VEPH1: variants seen among roughly 807,000 people sequenced by gnomAD.
The protein encoded by VEPH1 is ventricular zone expressed PH domain containing 1.
In VEPH1, 80 loss-of-function variants were observed where a neutral mutation model predicts 85.2. The observed-to-expected ratio is 0.94, with a 90% CI of 0.78 to 1.13. VEPH1 has a LOEUF of 1.13. Among genes scored for constraint, VEPH1 ranks in the 50% most tolerant of loss-of-function variants. The pLI, the probability that VEPH1 is intolerant of heterozygous loss-of-function variation, is 0.00. For synonymous variants in VEPH1, 297 were observed against 348.0 expected (o/e 0.85, Z 1.63); for missense variants, 955 against 980.5 (o/e 0.97, Z 0.35).
chr3:157,456,339 G>C (rs893895252), intron 4 of VEPH1, among the ~76,000 whole-genome samples: 13 of 151,988 alleles, frequency 8.6e-5, no homozygotes, highest in Admixed American at 3.9e-4. Context: ...TTCTTTTGCT[G>C]TGCAGAAGCT....
chr3:157,389,643 AT>A (rs1729652025), intron 6 of VEPH1, among the ~76,000 whole-genome samples: 1 of 132,714 alleles, frequency 7.5e-6, no homozygotes, highest in African/African-American at 3.1e-5. Flanking sequence ...AGATAGATAG[AT>A]AGATAGATAG....
intron 7 of VEPH1, among the ~76,000 whole-genome samples, chr3:157,371,797 A>C (rs1727519504): frequency 6.6e-6 from 1 of 152,186 alleles, no homozygotes; most frequent in Non-Finnish European, 1.5e-5. Flanking sequence ...TTGGGGATAC[A>C]TTCCGAGGTA....
At chr3:157,440,363 A>G (rs906677735) in intron 4 of VEPH1, among the ~76,000 whole-genome samples, 3 of 152,120 alleles carry the variant, frequency 2.0e-5, no homozygotes, top group Non-Finnish European at 4.4e-5. Context: ...TATTTGTTTA[A>G]TGTTTTCAGG....
At chr3:157,343,033 C>T (rs1411665406) in intron 9 of VEPH1, among the ~76,000 whole-genome samples, 1 of 152,052 alleles carries the variant, frequency 6.6e-6, no homozygotes, top group Non-Finnish European at 1.5e-5. Context: ...AAGCAGTGTG[C>T]AGAGGGAAAT....
At chr3:157,331,449 C>A (rs577683225) in intron 9 of VEPH1, among the ~76,000 whole-genome samples, 1 of 152,226 alleles carries the variant, frequency 6.6e-6, no homozygotes, top group Non-Finnish European at 1.5e-5. Flanking sequence ...CCCATGCATG[C>A]CTTGTGGCCA....
intron 2 of VEPH1, among the ~76,000 whole-genome samples, chr3:157,483,972 C>T (rs62280982): frequency 0.32 from 48,540 of 151,808 alleles, 7,905 homozygotes; most frequent in East Asian, 0.4. Flanking sequence ...ACATAAAACC[C>T]TCAAACTCAC....
intron 13 of VEPH1, among the ~76,000 whole-genome samples, chr3:157,262,167 G>A (rs1712997147): frequency 6.6e-6 from 1 of 152,046 alleles, no homozygotes; most frequent in Non-Finnish European, 1.5e-5. Context: ...TTTCTATGAT[G>A]TTTTGTCCAA....
intron 9 of VEPH1, among the ~76,000 whole-genome samples, chr3:157,350,429 A>G (rs1031328616): frequency 3.9e-5 from 6 of 152,194 alleles, no homozygotes; most frequent in Admixed American, 3.9e-4. Flanking sequence ...AAGAAAACAT[A>G]AGGAAAATGC....
chr3:157,275,448 C>T (rs537745225), intron 12 of VEPH1, among the ~76,000 whole-genome samples: 212 of 152,012 alleles, frequency 1.4e-3, no homozygotes, highest in African/African-American at 4.6e-3. Flanking sequence ...TGGTGGCATG[C>T]GCCTGTAGTC....
At chr3:157,438,233 C>T (rs1055669079) in intron 4 of VEPH1, among the ~76,000 whole-genome samples, 3 of 152,010 alleles carry the variant, frequency 2.0e-5, no homozygotes, top group Admixed American at 1.3e-4. Flanking sequence ...TACACCCGAT[C>T]CGACTAAGCG....
rs977005112 is a variant in VEPH1, at chr3:157,485,529, C to G, written c.138+9683G>C. ...AATAGAATATATAATCTTCAACCCA[C>G]TAGTCCCAAGAGTGGCAGGAAATAA... On this transcript the variant is annotated intron_variant, in intron 2 of 13. Transcript: ENST00000362010. 3.9e-5 allele frequency among the ~76,000 whole-genome samples: 6 copies of G among 152,020 alleles called. No homozygotes were observed. In the East Asian group the frequency reaches 1.2e-3, roughly 29 times the overall value.
At position 157,261,013 on chromosome 3, in the gene VEPH1, C is replaced by A. The variant is rs1339389848; in HGVS notation, c.*121G>T. Reference sequence around the variant, plus strand: ...TTAGGCCCTTCTTCTTAAAGGACAACAATTCCATTGGTATTTAGTAAAAAA... The same window carrying A: ...TTAGGCCCTTCTTCTTAAAGGACAAAAATTCCATTGGTATTTAGTAAAAAA... On this transcript the variant is annotated 3_prime_UTR_variant, in exon 14 of 14. Coordinates refer to ENST00000362010, the MANE Select transcript of VEPH1 (RefSeq NM_001167912.2). The A allele has an allele frequency of 1.4e-6, 2 of 1,379,866 alleles. No individual in the cohort carries two copies. Among genetic ancestry groups the A allele is most frequent in the Non-Finnish European group, 2.0e-6 (2 of 1,014,844 alleles). 85.5% of individuals were successfully genotyped at this position (1,379,866 alleles called of 1,614,324 possible). A position where few individuals can be genotyped will look rare whatever the true frequency, so the allele number is the denominator to read the frequency against.
intron 9 of VEPH1, among the ~76,000 whole-genome samples, chr3:157,333,963 CCATCAGG>C (rs1209295884): frequency 1.3e-5 from 2 of 152,274 alleles, no homozygotes; most frequent in African/African-American, 4.8e-5. Context: ...GGGCTGGCCA[CCATCAGG>C]CATCAGAAGA....
rs947581436 is a variant in VEPH1 at position 157,260,837 on chromosome 3, T to C, written c.*297A>G. Reference sequence around the variant, plus strand: ...AATGACATATCTACAGAAGTTCTTTTATCAGTGACTTTTCCCTTCCTGGCC... The same window carrying C: ...AATGACATATCTACAGAAGTTCTTTCATCAGTGACTTTTCCCTTCCTGGCC... On this transcript the variant is annotated 3_prime_UTR_variant, in exon 14 of 14. Coordinates refer to ENST00000362010, the MANE Select transcript of VEPH1 (RefSeq NM_001167912.2). 1.4e-4 allele frequency: 40 copies of C among 291,378 alleles called. No homozygotes were observed. The highest frequency in any genetic ancestry group is 4.9e-5 in the Admixed American group (1 of 20,222). 18.0% of individuals were successfully genotyped at this position (291,378 alleles called of 1,614,324 possible). A position where few individuals can be genotyped will look rare whatever the true frequency, so the allele number is the denominator to read the frequency against.
intron 4 of VEPH1, among the ~76,000 whole-genome samples, chr3:157,439,154 T>C (rs1733911830): frequency 6.6e-6 from 1 of 152,194 alleles, no homozygotes; most frequent in South Asian, 2.1e-4. Context: ...GGAGAGAAAT[T>C]AGAATTCTGC....
At chr3:157,456,731 CG>C (rs1347582430) in intron 4 of VEPH1, among the ~76,000 whole-genome samples, 1 of 151,814 alleles carries the variant, frequency 6.6e-6, no homozygotes, top group Non-Finnish European at 1.5e-5. Flanking sequence ...TTGGTCTATG[CG>C]TGTGTTTTTG....
rs117886940 is a variant in VEPH1 at position 157,485,503 on chromosome 3, A to G, written c.138+9709T>C. ...AAAGGCAACTATATTAAAATAATAG[A>G]AATAGAATATATAATCTTCAACCCA... On this transcript the variant is annotated intron_variant, in intron 2 of 13. Transcript: ENST00000362010. Among the ~76,000 whole-genome samples, 1,130 of 152,298 alleles carry G rather than the reference A, an allele frequency of 7.4e-3. 20 individuals carry two copies. The highest frequency in any genetic ancestry group is 0.066 in the East Asian group (341 of 5,180).
chr3:157,378,766 C>T (rs1278782003), intron 7 of VEPH1, among the ~76,000 whole-genome samples: 1 of 152,092 alleles, frequency 6.6e-6, no homozygotes, highest in African/African-American at 2.4e-5. Context: ...GTTGGCTTCC[C>T]TCCTGCGAAC....
At chr3:157,493,443 T>C in intron 2 of VEPH1, 1 of 306,116 alleles carries the variant, frequency 3.3e-6, no homozygotes, top group Non-Finnish European at 6.5e-6. Flanking sequence ...TGGTTCCATG[T>C]GCTAATCAGA....
Sources: allele counts gnomAD v4.1 joint callset (sites outside exome capture counted in the v4.1 genomes callset), GRCh38; gene constraint gnomAD v4.1.1; transcripts MANE v1.5; gene names NCBI Gene and HGNC (gene_info 2026-07-23, HGNC 2026-07-21).